EVL: variants seen among roughly 807,000 people sequenced by gnomAD.
The protein encoded by EVL is ena/VASP-like protein.
In EVL, 21 loss-of-function variants were observed where a neutral mutation model predicts 59.6. The observed-to-expected ratio is 0.35, with a 90% CI of 0.25 to 0.51. The LOEUF is 0.51. EVL is among the 20% of genes least tolerant of loss of function. The probability of loss-of-function intolerance (pLI) is 0.97; values close to 1 mark genes in which losing one functional copy is unlikely to be tolerated. For missense variants in EVL, 462 were observed against 546.6 expected, an observed-to-expected ratio of 0.85 and a Z score of 1.54; for synonymous variants, 198 against 203.5, an observed-to-expected ratio of 0.97 and a Z score of 0.23.
At chr14:100,049,320 G>C (rs911730231) in intron 1 of EVL, among the ~76,000 whole-genome samples, 3 of 152,214 alleles carry the variant, frequency 2.0e-5, no homozygotes, top group Non-Finnish European at 2.9e-5. Context: ...GCCTCAAAGC[G>C]TGTGAGTGTA....
intron 1 of EVL, among the ~76,000 whole-genome samples, chr14:100,006,283 CTT>C (rs1195149750): frequency 0.042 from 5,543 of 132,070 alleles, 129 homozygotes; most frequent in Non-Finnish European, 0.066. Flanking sequence ...GGTTGTTAAT[CTT>C]TTTTTTTTTT....
chr14:100,115,195 G>T (rs1887257658), intron 3 of EVL, among the ~76,000 whole-genome samples: 2 of 152,178 alleles, frequency 1.3e-5, no homozygotes, highest in South Asian at 4.2e-4. Flanking sequence ...AGAATATTCT[G>T]CAGGGAAAAC....
chr14:100,073,155 C>T (rs1390738700), intron 1 of EVL, among the ~76,000 whole-genome samples: 1 of 151,610 alleles, frequency 6.6e-6, no homozygotes, highest in Non-Finnish European at 1.5e-5. Context: ...TCCCCCCACC[C>T]ACCACTCTGC....
chr14:100,097,467 C>G lies in EVL; in HGVS notation c.181-14C>G. 6.3e-7 allele frequency: 1 copy of G among 1,592,278 alleles called. No individual in the cohort carries two copies. Among genetic ancestry groups the G allele is most frequent in the Non-Finnish European group, 8.6e-7 (1 of 1,169,424 alleles). On this transcript the variant is annotated splice_polypyrimidine_tract_variant and intron_variant, in intron 2 of 13. Coordinates refer to ENST00000392920, the MANE Select transcript of EVL (RefSeq NM_016337.3). ...TATTTATTTACACGTATTTCTCTCT[C>G]CTTTCTCCTCCAGGTTGTGATCAAT...
rs987094267 is a variant in EVL at position 100,108,100 on chromosome 14, T to G, written c.358+10442T>G. The G allele has an allele frequency of 2.6e-5, 4 of 152,164 alleles. No homozygotes were observed. The highest frequency in any genetic ancestry group is 5.9e-5 in the Non-Finnish European group (4 of 68,052). The allele number at this position is 152,164 out of a possible 1,614,324, so 9.4% of individuals were successfully genotyped here. On this transcript the variant is annotated intron_variant, in intron 3 of 13. Transcript: ENST00000392920. The surrounding 1 kb of genome is among the most constrained non-coding windows in gnomAD (Gnocchi z 4.1). ...GCTGGATAATAAATGTTTTCCCAGT[T>G]TTTCAACCTCTTATGTCCTTCATTG...
At chr14:100,031,285 T>C (rs2061310977) in intron 1 of EVL, among the ~76,000 whole-genome samples, 1 of 152,222 alleles carries the variant, frequency 6.6e-6, no homozygotes, top group African/African-American at 2.4e-5. Flanking sequence ...ATGATTCTGA[T>C]GTACACACCT....
chr14:100,001,742 A>G (rs1035910780), intron 1 of EVL, among the ~76,000 whole-genome samples: 3 of 152,182 alleles, frequency 2.0e-5, no homozygotes, highest in African/African-American at 4.8e-5. Flanking sequence ...TTTACTTACC[A>G]CAGGTCAGGA....
At chr14:100,077,154 G>A (rs542980360) in intron 1 of EVL, among the ~76,000 whole-genome samples, 2 of 152,294 alleles carry the variant, frequency 1.3e-5, no homozygotes, top group East Asian at 1.9e-4. Context: ...CAATTGAAGG[G>A]TTGGGGGTGT....
At chr14:100,100,200 C>T (rs1395714887) in intron 3 of EVL, among the ~76,000 whole-genome samples, 1 of 152,108 alleles carries the variant, frequency 6.6e-6, no homozygotes, top group Non-Finnish European at 1.5e-5. Flanking sequence ...CGACCTCCTA[C>T]ATTCCCTGGG....
chr14:100,052,058 A>T (rs2061656173), intron 1 of EVL, among the ~76,000 whole-genome samples: 1 of 152,224 alleles, frequency 6.6e-6, no homozygotes, highest in Admixed American at 6.5e-5. Context: ...TCTGTAAAAA[A>T]TAACGGAAGG....
intron 1 of EVL, among the ~76,000 whole-genome samples, chr14:99,997,895 G>T (rs1292002514): frequency 6.6e-6 from 1 of 152,184 alleles, no homozygotes; most frequent in Non-Finnish European, 1.5e-5. Flanking sequence ...GATTAGAAAT[G>T]CAAGGTTTGA....
chr14:100,142,094 C>T lies in EVL; in HGVS notation c.1219+301C>T, dbSNP rs545659798. The stretch of plus-strand genomic sequence containing the variant: ...GAGCATGGAGGGGAGACCCCAGCAT[C>T]GTTCCAGAGCCAGGTCTGGAGGAGC... On this transcript the variant is annotated intron_variant, in intron 13 of 13. Transcript: ENST00000392920. The T allele has an allele frequency of 9.4e-4, 235 of 251,170 alleles. 1 individual carries two copies. Among genetic ancestry groups the T allele is most frequent in the African/African-American group, 4.8e-3 (218 of 45,834 alleles). 15.6% of individuals were successfully genotyped at this position (251,170 alleles called of 1,614,324 possible).
rs145943161 is a variant in EVL at position 100,009,530 on chromosome 14, A to G, written c.5+37473A>G. Among the ~76,000 whole-genome samples, 45 of 151,108 alleles carry G rather than the reference A, an allele frequency of 3.0e-4. No individual in the cohort carries two copies. In the East Asian group the frequency reaches 7.9e-3, roughly 27 times the overall value. Reference sequence around the variant, plus strand: ...TCTTTCTGTTTTTTTAGTCCATTCAATTTATTTATTTGTTTATTCAATCAT... The same window carrying G: ...TCTTTCTGTTTTTTTAGTCCATTCAGTTTATTTATTTGTTTATTCAATCAT... On this transcript the variant is annotated intron_variant, in intron 1 of 13. Transcript: ENST00000402714.
intron 3 of EVL, 117 bp downstream of exon 3, chr14:100,097,775 C>A: frequency 1.1e-6 from 1 of 932,672 alleles, no homozygotes; most frequent in Non-Finnish European, 1.6e-6. Flanking sequence ...GCTGAGGTTG[C>A]ATGTGTTCTC....
chr14:100,129,219 C>T (rs1888276383), intron 6 of EVL, among the ~76,000 whole-genome samples: 1 of 152,160 alleles, frequency 6.6e-6, no homozygotes, highest in African/African-American at 2.4e-5. Flanking sequence ...TAATACAGAC[C>T]TTTGGCTTAC....
chr14:100,130,142 G>C lies in EVL; in HGVS notation c.839+458G>C, dbSNP rs1365156660. 2.0e-5 allele frequency among the ~76,000 whole-genome samples: 3 copies of C among 152,200 alleles called. No homozygotes were observed. Among genetic ancestry groups the C allele is most frequent in the Non-Finnish European group, 1.5e-5 (1 of 68,036 alleles). On this transcript the variant is annotated intron_variant, in intron 7 of 13. Coordinates refer to ENST00000392920, the MANE Select transcript of EVL (RefSeq NM_016337.3). This position sits in a 1 kb window ranked among gnomAD's most constrained non-coding sequence, Gnocchi z 4.8. ...GGACTCAGGAGAAGGAGTTATGAAG[G>C]GTAGGAGCCCAGAGGGCATTGCCCT...
chr14:100,033,990 C>T (rs2061350958), intron 1 of EVL, among the ~76,000 whole-genome samples: 1 of 151,994 alleles, frequency 6.6e-6, no homozygotes, highest in Admixed American at 6.6e-5. Flanking sequence ...CTTCAGGAGG[C>T]CGAGGTGGGC....
intron 1 of EVL, among the ~76,000 whole-genome samples, chr14:100,002,171 G>C (rs1436599225): frequency 6.6e-6 from 1 of 152,086 alleles, no homozygotes; most frequent in Non-Finnish European, 1.5e-5. Context: ...GTTAATTCCT[G>C]TTCTGCTTGA....
At chr14:100,126,822 A>G in intron 5 of EVL, 51 bp downstream of exon 5, 1 of 1,587,610 alleles carries the variant, frequency 6.3e-7, no homozygotes. Context: ...GCCAGGTGGC[A>G]GCCCCTCCAC....
Sources: allele counts gnomAD v4.1 joint callset (sites outside exome capture counted in the v4.1 genomes callset), GRCh38; gene constraint gnomAD v4.1.1; non-coding constraint Gnocchi (gnomAD v3.1); transcripts MANE v1.5; gene names NCBI Gene and HGNC (gene_info 2026-07-23, HGNC 2026-07-21).